TPX2: variants seen among roughly 807,000 people sequenced by gnomAD.
The protein encoded by TPX2 is TPX2 microtubule nucleation factor.
A neutral mutation model predicts 93.6 loss-of-function variants in TPX2; 21 were observed. The ratio of observed to expected loss-of-function variants is 0.22; its 90% confidence interval spans 0.16 to 0.32. The LOEUF (loss-of-function observed/expected upper bound fraction) is 0.32, where lower values mean the gene tolerates loss of function less well. TPX2 is among the 10% of genes least tolerant of loss of function. The probability of loss-of-function intolerance (pLI) is 1.00; values close to 1 mark genes in which losing one functional copy is unlikely to be tolerated. For synonymous variants in TPX2, 281 were observed against 298.3 expected, an observed-to-expected ratio of 0.94 and a Z score of 0.60; for missense variants, 776 against 871.1, an observed-to-expected ratio of 0.89 and a Z score of 1.37.
chr20:31,755,180 C>T (rs1291807655), intron 2 of TPX2, among the ~76,000 whole-genome samples: 2 of 152,108 alleles, frequency 1.3e-5, no homozygotes, highest in Non-Finnish European at 2.9e-5. Flanking sequence ...GATCTCCTGA[C>T]CTCGTGATCC....
intron 1 of TPX2, among the ~76,000 whole-genome samples, chr20:31,740,047 A>G (rs1296894170): frequency 6.6e-6 from 1 of 152,202 alleles, no homozygotes; most frequent in East Asian, 1.9e-4. Context: ...TTTGTATGGA[A>G]TCACCAGATA....
In TPX2 at chr20:31,775,915, GA is replaced by G; in HGVS notation, c.661del (p.Met221CysfsTer23). ...TEEQELEKSM[K>X]MQQEVVEMRK... ...AGGAGCAAGAGCTGGAGAAGAGTAT[GA>G]AAATGCAGCAAGAGGTGGTGGAGAT... On this transcript the variant is annotated frameshift_variant, in exon 8 of 18. Transcript: ENST00000300403. LOFTEE classifies it high-confidence loss of function. The G allele has an allele frequency of 6.2e-7, 1 of 1,606,856 alleles. No individual in the cohort carries two copies. The highest frequency in any genetic ancestry group is 1.1e-5 in the South Asian group (1 of 90,152).
At chr20:31,759,889 C>T (rs1165645783) in intron 3 of TPX2, among the ~76,000 whole-genome samples, 168 bp from the exon 4 acceptor site, 1 of 151,596 alleles carries the variant, frequency 6.6e-6, no homozygotes, top group African/African-American at 2.4e-5. Flanking sequence ...TAGTCTATCT[C>T]GGATGTGTAA....
chr20:31,778,320 G>C (rs773659412), intron 9 of TPX2, among the ~76,000 whole-genome samples: 7 of 152,122 alleles, frequency 4.6e-5, no homozygotes, highest in Non-Finnish European at 8.8e-5. Flanking sequence ...CTTCCAATTA[G>C]AGACCAGTTT....
At chr20:31,764,812 A>G (rs909183721) in intron 4 of TPX2, among the ~76,000 whole-genome samples, 2 of 152,094 alleles carry the variant, frequency 1.3e-5, no homozygotes, top group East Asian at 1.9e-4. Context: ...TGCCTAAACT[A>G]TGTTTTCATG....
At chr20:31,762,049 ATG>A (rs1229042117) in intron 4 of TPX2, among the ~76,000 whole-genome samples, 1 of 152,028 alleles carries the variant, frequency 6.6e-6, no homozygotes, top group Admixed American at 6.6e-5. Context: ...TGCCATTTGT[ATG>A]TGTTCTTTTG....
At chr20:31,741,350 C>G (rs940510238) in intron 1 of TPX2, among the ~76,000 whole-genome samples, 4 of 147,226 alleles carry the variant, frequency 2.7e-5, no homozygotes, top group African/African-American at 5.0e-5. Context: ...CTCACTCTGT[C>G]GCCCAGGCTG....
At chr20:31,789,476 A>G (rs937323878) in intron 12 of TPX2, among the ~76,000 whole-genome samples, 2 of 152,186 alleles carry the variant, frequency 1.3e-5, no homozygotes, top group Non-Finnish European at 2.9e-5. Context: ...AAATATGGTA[A>G]TATTAACCAA....
Position 31,782,548 on chromosome 20 carries a change from G to A in TPX2, c.1196+158G>A, listed in dbSNP as rs574152654. Among the ~76,000 whole-genome samples, 5 of 152,278 alleles carry A rather than the reference G, an allele frequency of 3.3e-5. No individual in the cohort carries two copies. In the South Asian group the frequency reaches 1.0e-3, roughly 32 times the overall value. The stretch of plus-strand genomic sequence containing the variant: ...CTACGCCCCTGCCTATATGATTTAA[G>A]GACTATAGTGGGAATATGGAGATGT... On this transcript the variant is annotated intron_variant, in intron 11 of 17. Coordinates refer to ENST00000300403, the MANE Select transcript of TPX2 (RefSeq NM_012112.5).
chr20:31,742,173 T>C (rs923502529), intron 1 of TPX2, among the ~76,000 whole-genome samples: 1 of 137,564 alleles, frequency 7.3e-6, no homozygotes, highest in Admixed American at 7.3e-5. Flanking sequence ...AAAAGTTTGC[T>C]CTTTTTTTTT....
chr20:31,758,125 T>C (rs1188407996), intron 3 of TPX2, among the ~76,000 whole-genome samples: 1 of 150,104 alleles, frequency 6.7e-6, no homozygotes, highest in Admixed American at 6.6e-5. Flanking sequence ...ATTCATTTTT[T>C]TTTTTTTTTT....
intron 12 of TPX2, among the ~76,000 whole-genome samples, chr20:31,791,916 G>A (rs1170021593): frequency 3.9e-5 from 6 of 152,206 alleles, no homozygotes; most frequent in African/African-American, 1.4e-4. Context: ...CCAGATTTGT[G>A]ATAGAATATA....
At chr20:31,740,631 T>C (rs534967696) in intron 1 of TPX2, among the ~76,000 whole-genome samples, 35 of 152,320 alleles carry the variant, frequency 2.3e-4, no homozygotes, top group African/African-American at 8.2e-4. Flanking sequence ...TTTTTTGGTA[T>C]GTTTGGGGAC....
intron 4 of TPX2, among the ~76,000 whole-genome samples, chr20:31,766,054 A>G (rs1461473072): frequency 1.3e-5 from 2 of 152,234 alleles, no homozygotes; most frequent in Admixed American, 6.5e-5. Flanking sequence ...GAGTTCTCAC[A>G]TATTTGAAAA....
intron 1 of TPX2, among the ~76,000 whole-genome samples, chr20:31,741,967 CAG>C (rs1358965665): frequency 6.6e-6 from 1 of 151,930 alleles, no homozygotes; most frequent in African/African-American, 2.4e-5. Context: ...GTATTTGAGA[CAG>C]AGATGTAGAG....
chr20:31,786,404 T>TTTTTTTTTTTGTTG (rs1328025750), intron 12 of TPX2, among the ~76,000 whole-genome samples: 1 of 140,866 alleles, frequency 7.1e-6, no homozygotes, highest in African/African-American at 2.9e-5. Flanking sequence ...ACTACTGTTT[T>TTTTTTTTTTTGTTG]TTTTTTTTTT....
chr20:31,792,670 A>G (rs1467431976), intron 12 of TPX2, 65 bp from the exon 13 acceptor site: 2 of 1,445,190 alleles, frequency 1.4e-6, no homozygotes, highest in Non-Finnish European at 1.9e-6. Flanking sequence ...AAAGGATTTA[A>G]TCTTCTCATA....
intron 12 of TPX2, among the ~76,000 whole-genome samples, chr20:31,787,811 C>T (rs2062076322): frequency 1.3e-5 from 2 of 152,246 alleles, no homozygotes; most frequent in South Asian, 4.1e-4. Context: ...TCAGGTGAGC[C>T]AAGGGATGAC....
intron 8 of TPX2, among the ~76,000 whole-genome samples, chr20:31,776,933 T>C (rs1223176954): frequency 1.3e-5 from 2 of 152,198 alleles, no homozygotes; most frequent in African/African-American, 4.8e-5. Flanking sequence ...GTTTTCCTAT[T>C]TTTTTCTAAA....
Sources: allele counts gnomAD v4.1 joint callset (sites outside exome capture counted in the v4.1 genomes callset), GRCh38; gene constraint gnomAD v4.1.1; transcripts MANE v1.5; gene names NCBI Gene and HGNC (gene_info 2026-07-23, HGNC 2026-07-21).